The following MAGEH1 variants were observed in gnomAD, a reference collection of about 807,000 sequenced individuals.
MAGEH1 encodes the protein melanoma-associated antigen H1.
For synonymous variants in MAGEH1, 79 were observed against 70.3 expected, an observed-to-expected ratio of 1.12 and a Z score of -0.62; for missense variants, 152 against 183.0, an observed-to-expected ratio of 0.83 and a Z score of 0.98.
In MAGEH1 at chrX:55,452,655, C is replaced by G; in HGVS notation, c.281C>G (p.Ser94Cys). The G allele has an allele frequency of 8.3e-7, 1 of 1,211,696 alleles. No homozygotes were observed. Among genetic ancestry groups the G allele is most frequent in the Non-Finnish European group, 1.1e-6 (1 of 895,511 alleles). ...FQGTKKSLLM[S>C]ILALIFIMGN... is the part of the protein sequence containing the mutation. ...GGCACCAAGAAAAGTCTCCTGATGT[C>G]TATATTAGCGCTCATCTTCATCATG... The change falls in exon 1 of 1, where the codon TCT (serine) becomes TGT (cysteine). Residue 94 changes from serine to cysteine, a missense_variant. Transcript: ENST00000342972.
Position 55,453,279 on chromosome X carries a change from A to C in MAGEH1, c.*245A>C, listed in dbSNP as rs1602022201. On this transcript the variant is annotated 3_prime_UTR_variant, in exon 1 of 1. Transcript: ENST00000342972. ...ATATGTTTAAAAATATAATTGAACA[A>C]ATTTTTTTCTTTGTTTCCTGTCATT... 5.6e-6 allele frequency: 2 copies of C among 355,649 alleles called. No homozygotes were observed. The highest frequency in any genetic ancestry group is 9.2e-5 in the East Asian group (2 of 21,674). The allele number at this position is 355,649 out of a possible 1,213,427, so 29.3% of individuals were successfully genotyped here. A position where few individuals can be genotyped will look rare whatever the true frequency, so the allele number is the denominator to read the frequency against.
rs1456617206 is a variant in MAGEH1 at position 55,452,428 on chromosome X, G to A, written c.54G>A (p.Glu18=). ...GCCGTAATGCGAGAGCCGCAGAAGA[G>A]AACCGCAACAATCGCAAAATCCAGG... The part of the protein sequence containing the change: ...RRRRNARAAE[E]NRNNRKIQAS... The change falls in exon 1 of 1, where the codon GAG becomes GAA. Residue 18 remains glutamate (E), a synonymous_variant. Coordinates refer to ENST00000342972, the MANE Select transcript of MAGEH1 (RefSeq NM_014061.5). The A allele has an allele frequency of 8.5e-7, 1 of 1,177,679 alleles. No individual in the cohort carries two copies. The highest frequency in any genetic ancestry group is 1.8e-5 in the African/African-American group (1 of 54,875).
rs1461495882 is a variant in MAGEH1, at chrX:55,453,202, T to C, written c.*168T>C. 3 of 401,600 alleles carry C rather than the reference T, an allele frequency of 7.5e-6. No homozygotes were observed. The highest frequency in any genetic ancestry group is 5.1e-5 in the African/African-American group (2 of 39,231). 33.1% of individuals were successfully genotyped at this position (401,600 alleles called of 1,213,427 possible). The stretch of plus-strand genomic sequence containing the variant: ...CAACTGCGAAATAGAGTGTTTGCTT[T>C]TGATAATGGAAAATTGTATTCGTTT... On this transcript the variant is annotated 3_prime_UTR_variant, in exon 1 of 1. Coordinates refer to ENST00000342972, the MANE Select transcript of MAGEH1 (RefSeq NM_014061.5).
chrX:55,453,087 AG>A lies in MAGEH1; in HGVS notation c.*55del. On this transcript the variant is annotated 3_prime_UTR_variant, in exon 1 of 1. Transcript: ENST00000342972. ...GTAAAAGAGAGTCACAGGTACCCCA[AG>A]GAGTAGATGCCAGGGTCCTAAGTTG... 3.7e-6 allele frequency: 4 copies of A among 1,085,121 alleles called. No individual in the cohort carries two copies. The highest frequency in any genetic ancestry group is 5.0e-6 in the Non-Finnish European group (4 of 797,911). 89.4% of individuals were successfully genotyped at this position (1,085,121 alleles called of 1,213,427 possible).
Position 55,453,009 on chromosome X carries a change from G to A in MAGEH1, c.635G>A (p.Gly212Asp). The A allele has an allele frequency of 8.3e-7, 1 of 1,211,147 alleles. No homozygotes were observed. Among genetic ancestry groups the A allele is most frequent in the Non-Finnish European group, 1.1e-6 (1 of 895,226 alleles). ...GAGGTTGAGGCTATCCTCAATTCAG[G>A]TGCTAGGGGTTATTCCGCCCCTTAA... ...DAEVEAILNS[G>D]ARGYSAP Residue 212 changes from glycine (G) to aspartate (D), a missense_variant, in exon 1 of 1, where the codon GGT becomes GAT. By Grantham distance (94) the Gly-to-Asp change is moderately conservative. Transcript: ENST00000342972.
In MAGEH1 at chrX:55,453,388, A is replaced by G. The variant is rs1221390752; in HGVS notation, c.*354A>G. 6.1e-6 allele frequency: 1 copy of G among 164,707 alleles called. No individual in the cohort carries two copies. Among genetic ancestry groups the G allele is most frequent in the Non-Finnish European group, 1.2e-5 (1 of 80,596 alleles). 13.6% of individuals were successfully genotyped at this position (164,707 alleles called of 1,213,427 possible). Reference sequence around the variant, plus strand: ...ATGATCTTGTACAGCACTTATAGAAATAAGCTGTTCTTTTGAAGTTGAAAT... The same window carrying G: ...ATGATCTTGTACAGCACTTATAGAAGTAAGCTGTTCTTTTGAAGTTGAAAT... On this transcript the variant is annotated 3_prime_UTR_variant, in exon 1 of 1. Transcript: ENST00000342972.
chrX:55,452,191 A>G lies in MAGEH1; in HGVS notation c.-184A>G, dbSNP rs1249642638. On this transcript the variant is annotated 5_prime_UTR_variant, in exon 1 of 1. Transcript: ENST00000342972. ...AGTGCTGGCGGCGGCTGCTCGCGCA[A>G]GTCAGCTGGCGTGGGAACTACCCTT... 2.8e-6 allele frequency: 1 copy of G among 363,472 alleles called. No homozygotes were observed. 30.0% of individuals were successfully genotyped at this position (363,472 alleles called of 1,213,427 possible). A position where few individuals can be genotyped will look rare whatever the true frequency, so the allele number is the denominator to read the frequency against.
chrX:55,453,045 G>T lies in MAGEH1; in HGVS notation c.*11G>T, dbSNP rs555552046. ...TATTCCGCCCCTTAAGTAGATCTGA[G>T]GCAGACCCTTGGGGGTGTAAAAGAG... is the stretch of plus-strand genomic sequence containing the variant. On this transcript the variant is annotated 3_prime_UTR_variant, in exon 1 of 1. Transcript: ENST00000342972. 1 of 1,203,167 alleles carries T rather than the reference G, an allele frequency of 8.3e-7. No individual in the cohort carries two copies. Among genetic ancestry groups the T allele is most frequent in the African/African-American group, 1.7e-5 (1 of 57,601 alleles).
chrX:55,453,140 A>G lies in MAGEH1; in HGVS notation c.*106A>G. ...AAATGATGTCGATTGGGGGCGGGGG[A>G]CACTGTATTTGATATTTGTGATCAG... On this transcript the variant is annotated 3_prime_UTR_variant, in exon 1 of 1. Coordinates refer to ENST00000342972, the MANE Select transcript of MAGEH1 (RefSeq NM_014061.5). 1.5e-6 allele frequency: 1 copy of G among 684,604 alleles called. No individual in the cohort carries two copies. The highest frequency in any genetic ancestry group is 3.4e-5 in the East Asian group (1 of 29,228). The allele number at this position is 684,604 out of a possible 1,213,427, so 56.4% of individuals were successfully genotyped here.
chrX:55,452,298 A>C lies in MAGEH1; in HGVS notation c.-77A>C. ...CAGCGGCAGCAGCTTCTTACGGTAT[A>C]AAGCTGTTGCTTCCTGAAGAGGCTA... is the stretch of plus-strand genomic sequence containing the variant. On this transcript the variant is annotated 5_prime_UTR_variant, in exon 1 of 1. Transcript: ENST00000342972. The C allele has an allele frequency of 3.3e-6, 3 of 911,402 alleles. No individual in the cohort carries two copies. The South Asian group carries it at 8.4e-5, about 26-fold the overall frequency. 75.1% of individuals were successfully genotyped at this position (911,402 alleles called of 1,213,427 possible). A position where few individuals can be genotyped will look rare whatever the true frequency, so the allele number is the denominator to read the frequency against.
Position 55,452,947 on chromosome X carries a change from G to T in MAGEH1, c.573G>T (p.Trp191Cys), listed in dbSNP as rs761123012. ...TTCGTAACCGATGCTCTAAAGACTGGCCTTGTAATTATGACTGGGATTCGG... is the reference window on the plus strand; with the variant it reads ...TTCGTAACCGATGCTCTAAAGACTGTCCTTGTAATTATGACTGGGATTCGG... ...ARVRNRCSKD[W>C]PCNYDWDSDD... Residue 191 changes from tryptophan (W) to cysteine (C), a missense_variant, in exon 1 of 1, where the codon TGG (tryptophan) becomes TGT (cysteine). Trp to Cys is a radical substitution (Grantham distance 215). Transcript: ENST00000342972. 2.5e-6 allele frequency: 3 copies of T among 1,211,395 alleles called. No individual in the cohort carries two copies. The highest frequency in any genetic ancestry group is 3.4e-6 in the Non-Finnish European group (3 of 895,337).
At position 55,452,491 on chromosome X, in the gene MAGEH1, G is replaced by A. The variant is rs781644685; in HGVS notation, c.117G>A (p.Val39=). The stretch of plus-strand genomic sequence containing the variant: ...CCGAGACCCCTATGGCCGCCTCTGT[G>A]GTAGCGAGCACCCCCGAAGACGACC... The part of the protein sequence containing the change: ...EASETPMAAS[V]VASTPEDDLS... Residue 39 remains valine (V), a synonymous_variant, in exon 1 of 1, where the codon GTG becomes GTA. Coordinates refer to ENST00000342972, the MANE Select transcript of MAGEH1 (RefSeq NM_014061.5). 4 of 1,209,092 alleles carry A rather than the reference G, an allele frequency of 3.3e-6. No homozygotes were observed. The South Asian group carries it at 5.3e-5, about 16-fold the overall frequency.
rs748430812 is a variant in MAGEH1 at position 55,452,507 on chromosome X, G to A, written c.133G>A (p.Glu45Lys). 9.9e-6 allele frequency: 12 copies of A among 1,206,749 alleles called. No individual in the cohort carries two copies. In the Admixed American group the frequency reaches 1.1e-4, roughly 11 times the overall value. The change falls in exon 1 of 1, where the codon GAA becomes AAA. Residue 45 changes from glutamate to lysine, a missense_variant. By Grantham distance (56) the Glu-to-Lys change is moderately conservative. Transcript: ENST00000342972. ...CGCCTCTGTGGTAGCGAGCACCCCC[G>A]AAGACGACCTGAGCGGCCCCGAGGA... is the stretch of plus-strand genomic sequence containing the variant. ...MAASVVASTP[E>K]DDLSGPEEDP...
chrX:55,452,482 C>G lies in MAGEH1; in HGVS notation c.108C>G (p.Ala36=). ...CAGAGGCCTCCGAGACCCCTATGGC[C>G]GCCTCTGTGGTAGCGAGCACCCCCG... The part of the protein sequence containing the change: ...QASEASETPM[A]ASVVASTPED... Residue 36 remains alanine (A), a synonymous_variant, in exon 1 of 1, where the codon GCC becomes GCG. Transcript: ENST00000342972. 8.3e-7 allele frequency: 1 copy of G among 1,208,488 alleles called. No individual in the cohort carries two copies. The highest frequency in any genetic ancestry group is 1.7e-5 in the African/African-American group (1 of 57,403).
At position 55,452,773 on chromosome X, in the gene MAGEH1, G is replaced by A. The variant is rs1321020023; in HGVS notation, c.399G>A (p.Lys133=). ...GRQHSIFGDP[K]KIVTEEFVRR... ...AGCACAGCATCTTTGGAGATCCGAA[G>A]AAGATCGTCACAGAAGAGTTTGTGC... is the stretch of plus-strand genomic sequence containing the variant. The change falls in exon 1 of 1, where the codon AAG becomes AAA. Residue 133 remains lysine (K), a synonymous_variant. Coordinates refer to ENST00000342972, the MANE Select transcript of MAGEH1 (RefSeq NM_014061.5). 1 of 1,209,987 alleles carries A rather than the reference G, an allele frequency of 8.3e-7. No homozygotes were observed. The highest frequency in any genetic ancestry group is 1.1e-6 in the Non-Finnish European group (1 of 895,301).
chrX:55,452,714 G>C lies in MAGEH1; in HGVS notation c.340G>C (p.Val114Leu), dbSNP rs926996543. 5.0e-6 allele frequency: 6 copies of C among 1,210,043 alleles called. No homozygotes were observed. Among genetic ancestry groups the C allele is most frequent in the Non-Finnish European group, 5.6e-6 (5 of 895,314 alleles). ...NSAKEALVWKVLGKLGMQPGR... is the reference protein window; with the variant it reads ...NSAKEALVWKLLGKLGMQPGR... ...CGCCAAGGAAGCTCTGGTCTGGAAA[G>C]TGCTGGGGAAGTTAGGAATGCAGCC... The change falls in exon 1 of 1, where the codon GTG becomes CTG. Residue 114 changes from valine to leucine, a missense_variant. By Grantham distance (32) the Val-to-Leu change is conservative (BLOSUM62 1). Transcript: ENST00000342972.
At position 55,452,559 on chromosome X, in the gene MAGEH1, C is replaced by T. The variant is rs1569194056; in HGVS notation, c.185C>T (p.Ser62Phe). The T allele has an allele frequency of 8.3e-7, 1 of 1,206,842 alleles. No homozygotes were observed. Among genetic ancestry groups the T allele is most frequent in the Non-Finnish European group, 1.1e-6 (1 of 894,157 alleles). Reference sequence around the variant, plus strand: ...GACCCGAGCACTCCAGAGGAGGCCTCTACCACCCCTGAAGAAGCCTCGAGC... The same window carrying T: ...GACCCGAGCACTCCAGAGGAGGCCTTTACCACCCCTGAAGAAGCCTCGAGC... Reference protein sequence around the residue: ...EEDPSTPEEASTTPEEASSTA... With the variant: ...EEDPSTPEEAFTTPEEASSTA... Residue 62 changes from serine (S) to phenylalanine (F), a missense_variant, in exon 1 of 1, where the codon TCT becomes TTT. Physicochemically the swap from Ser to Phe is radical, Grantham distance 155. Transcript: ENST00000342972.
chrX:55,452,308 C>G lies in MAGEH1; in HGVS notation c.-67C>G. 4.0e-6 allele frequency: 4 copies of G among 993,837 alleles called. No individual in the cohort carries two copies. Among genetic ancestry groups the G allele is most frequent in the South Asian group, 5.2e-5 (2 of 38,230 alleles). 81.9% of individuals were successfully genotyped at this position (993,837 alleles called of 1,213,427 possible). A position where few individuals can be genotyped will look rare whatever the true frequency, so the allele number is the denominator to read the frequency against. ...AGCTTCTTACGGTATAAAGCTGTTG[C>G]TTCCTGAAGAGGCTACAAGCATCCT... On this transcript the variant is annotated 5_prime_UTR_variant, in exon 1 of 1. Transcript: ENST00000342972.
chrX:55,452,538 C>A lies in MAGEH1; in HGVS notation c.164C>A (p.Pro55Gln). ...EDDLSGPEED[P>Q]STPEEASTTP... ...GACCTGAGCGGCCCCGAGGAAGACC[C>A]GAGCACTCCAGAGGAGGCCTCTACC... Residue 55 changes from proline to glutamine, a missense_variant, in exon 1 of 1, where the codon CCG becomes CAG. By Grantham distance (76) the Pro-to-Gln change is moderately conservative. Coordinates refer to ENST00000342972, the MANE Select transcript of MAGEH1 (RefSeq NM_014061.5). 1 of 1,209,080 alleles carries A rather than the reference C, an allele frequency of 8.3e-7. No homozygotes were observed. Among genetic ancestry groups the A allele is most frequent in the Non-Finnish European group, 1.1e-6 (1 of 894,573 alleles).
Sources: gnomAD v4.1 joint callset for allele counts on GRCh38, gnomAD v4.1.1 for gene constraint, MANE v1.5 for transcripts, NCBI Gene and HGNC (gene_info 2026-07-23, HGNC 2026-07-21) for gene names.